The following EPB41L4B variants were observed in gnomAD, a reference collection of about 807,000 sequenced individuals.
EPB41L4B encodes erythrocyte membrane protein band 4.1 like 4B.
In EPB41L4B, 30 loss-of-function variants were observed where a neutral mutation model predicts 112.5. The ratio of observed to expected loss-of-function variants is 0.27; its 90% CI spans 0.20 to 0.36. EPB41L4B has a LOEUF of 0.36. EPB41L4B is among the 10% of genes least tolerant of loss of function. The probability of loss-of-function intolerance (pLI) is 1.00; values close to 1 mark genes in which losing one functional copy is unlikely to be tolerated. For synonymous variants in EPB41L4B, 408 were observed against 439.7 expected, an observed-to-expected ratio of 0.93 and a Z score of 0.90; for missense variants, 1,024 against 1,133.3, an observed-to-expected ratio of 0.90 and a Z score of 1.38.
chr9:109,313,237 T>C (rs375730658), intron 1 of EPB41L4B, among the ~76,000 whole-genome samples: 3 of 152,358 alleles, frequency 2.0e-5, no homozygotes, highest in African/African-American at 7.2e-5. Flanking sequence ...CCCTCCCCCA[T>C]GCTTAATGTA....
intron 1 of EPB41L4B, among the ~76,000 whole-genome samples, chr9:109,280,363 T>C (rs1022981694): frequency 1.3e-5 from 2 of 152,138 alleles, no homozygotes; most frequent in Non-Finnish European, 2.9e-5. Context: ...TTTCACAAAG[T>C]AGGTAACGAA....
At chr9:109,285,663 T>C (rs1375792733) in intron 1 of EPB41L4B, among the ~76,000 whole-genome samples, 2 of 152,010 alleles carry the variant, frequency 1.3e-5, no homozygotes, top group Non-Finnish European at 2.9e-5. Flanking sequence ...GACAAGGTGA[T>C]CAAGGTCACT....
At chr9:109,211,669 T>G (rs1279235151) in intron 17 of EPB41L4B, among the ~76,000 whole-genome samples, 1 of 151,794 alleles carries the variant, frequency 6.6e-6, no homozygotes, top group Non-Finnish European at 1.5e-5. Context: ...CAAAATTATC[T>G]GTATAATCAC....
chr9:109,239,904 T>G (rs1834294745), intron 15 of EPB41L4B: 1 of 985,340 alleles, frequency 1.0e-6, no homozygotes, highest in African/African-American at 1.7e-5. Context: ...TTCTCTCTAC[T>G]CAGCACCTGT....
intron 19 of EPB41L4B, among the ~76,000 whole-genome samples, chr9:109,203,411 T>C (rs778997291): frequency 1.3e-5 from 2 of 152,184 alleles, no homozygotes; most frequent in Non-Finnish European, 2.9e-5. Context: ...CCCACTTGCT[T>C]GAGTGACAAC....
At chr9:109,301,640 C>T (rs1407549352) in intron 1 of EPB41L4B, among the ~76,000 whole-genome samples, 1 of 152,206 alleles carries the variant, frequency 6.6e-6, no homozygotes, top group Non-Finnish European at 1.5e-5. Flanking sequence ...GTTAATTTCA[C>T]TCAGTATAAT....
chr9:109,198,273 C>T (rs2118727376), intron 20 of EPB41L4B, among the ~76,000 whole-genome samples: 1 of 152,292 alleles, frequency 6.6e-6, no homozygotes, highest in Middle Eastern at 3.4e-3. Context: ...ACCCCCTAAA[C>T]TCCATCTTTC....
chr9:109,209,704 T>C (rs905627460), intron 17 of EPB41L4B, among the ~76,000 whole-genome samples: 3 of 151,852 alleles, frequency 2.0e-5, no homozygotes, highest in East Asian at 1.9e-4. Context: ...GGCTAACATA[T>C]ACTGAGAGCT....
intron 2 of EPB41L4B, among the ~76,000 whole-genome samples, chr9:109,271,814 C>CA (rs1464849270): frequency 6.6e-6 from 1 of 152,218 alleles, no homozygotes; most frequent in East Asian, 1.9e-4. Flanking sequence ...ACATTTCACT[C>CA]AAACACTCTA....
At chr9:109,307,717 C>A (rs1837263696) in intron 1 of EPB41L4B, among the ~76,000 whole-genome samples, 1 of 152,174 alleles carries the variant, frequency 6.6e-6, no homozygotes, top group South Asian at 2.1e-4. Context: ...TAGGCTTTTA[C>A]AGTCTACCGG....
Position 109,184,740 on chromosome 9 carries a change from AG to A in EPB41L4B, c.2418+748del, listed in dbSNP as rs201053790. Reference sequence around the variant, plus strand: ...CCAAAGTCACCATGTTTAATCCAGCAGGGTATAGCCTAAGAAAATAAAATTC... The same window carrying A: ...CCAAAGTCACCATGTTTAATCCAGCAGGTATAGCCTAAGAAAATAAAATTC... On this transcript the variant is annotated intron_variant, in intron 23 of 25. Coordinates refer to ENST00000374566, the MANE Select transcript of EPB41L4B (RefSeq NM_019114.5). Among the ~76,000 whole-genome samples, 6 of 152,400 alleles carry A rather than the reference AG, an allele frequency of 3.9e-5. No individual in the cohort carries two copies. The East Asian group carries it at 1.2e-3, about 29-fold the overall frequency.
chr9:109,313,462 C>CAAAGTGCTT (rs1431778628), intron 1 of EPB41L4B, among the ~76,000 whole-genome samples: 1 of 152,238 alleles, frequency 6.6e-6, no homozygotes, highest in Non-Finnish European at 1.5e-5. Flanking sequence ...TGCCCGGCTC[C>CAAAGTGCTT]AGCCCCACTC....
chr9:109,206,986 G>A (rs1277881529), intron 18 of EPB41L4B, among the ~76,000 whole-genome samples: 1 of 152,210 alleles, frequency 6.6e-6, no homozygotes, highest in African/African-American at 2.4e-5. Flanking sequence ...CAGCTGCATG[G>A]TATCCACCTC....
rs116428915 is a variant in EPB41L4B at position 109,176,410 on chromosome 9, A to G, written c.2633+141T>C. 6.1e-3 allele frequency: 6,196 copies of G among 1,021,320 alleles called. 213 individuals carry two copies. The African/African-American group carries it at 0.075, about 12-fold the overall frequency. The allele number at this position is 1,021,320 out of a possible 1,614,324, so 63.3% of individuals were successfully genotyped here. On this transcript the variant is annotated intron_variant, in intron 25 of 25. Transcript: ENST00000374566. ...GAGAGCCACCGCACCTGGCCCCTTT[A>G]TAGACATTTCAATAAATACTTACAG...
At chr9:109,222,387 G>T (rs1395579094) in intron 15 of EPB41L4B, among the ~76,000 whole-genome samples, 2 of 152,196 alleles carry the variant, frequency 1.3e-5, no homozygotes, top group Non-Finnish European at 2.9e-5. Flanking sequence ...ATTCTAACAT[G>T]GAGAAGTTTT....
At chr9:109,284,821 ATATT>A (rs1293272316) in intron 1 of EPB41L4B, among the ~76,000 whole-genome samples, 1 of 152,190 alleles carries the variant, frequency 6.6e-6, no homozygotes, top group Non-Finnish European at 1.5e-5. Context: ...CACCCTTTGG[ATATT>A]TTTTTCCCTA....
At chr9:109,267,641 T>C (rs1220831183) in intron 3 of EPB41L4B, 90 bp from the exon 4 acceptor site, 9 of 849,990 alleles carry the variant, frequency 1.1e-5, no homozygotes, top group African/African-American at 1.7e-5. Context: ...GTTAAATCTA[T>C]AACATTTAGC....
chr9:109,258,883 A>C (rs1249623205), intron 6 of EPB41L4B, among the ~76,000 whole-genome samples: 1 of 152,134 alleles, frequency 6.6e-6, no homozygotes, highest in Non-Finnish European at 1.5e-5. Flanking sequence ...TGCAGAAAGG[A>C]GGGAGGAGCA....
intron 25 of EPB41L4B, among the ~76,000 whole-genome samples, chr9:109,174,852 C>T (rs1172832150): frequency 6.6e-6 from 1 of 150,718 alleles, no homozygotes; most frequent in African/African-American, 2.4e-5. Context: ...ATATGTCATT[C>T]ATCTCTAAAC....
Sources: gnomAD v4.1 joint callset for allele counts (sites outside exome capture counted in the v4.1 genomes callset) on GRCh38, gnomAD v4.1.1 for gene constraint, MANE v1.5 for transcripts, NCBI Gene and HGNC (gene_info 2026-07-23, HGNC 2026-07-21) for gene names.